Variants in THRB observed in about 807,000 individuals in gnomAD.
THRB encodes nuclear receptor subfamily 1 group A member 2.
THRB carries 12 observed loss-of-function variants against 47.8 expected under a neutral mutation model. The observed-to-expected ratio is 0.25, with a 90% CI of 0.16 to 0.41. The LOEUF (loss-of-function observed/expected upper bound fraction) is 0.41. THRB is among the 10% of genes least tolerant of loss of function. The pLI is 1.00. For missense variants in THRB, 348 were observed against 589.2 expected, an observed-to-expected ratio of 0.59 and a Z score of 4.24; for synonymous variants, 218 against 212.2, an observed-to-expected ratio of 1.03 and a Z score of -0.24.
chr3:24,418,620 T>C (rs2068961292), intron 1 of THRB, among the ~76,000 whole-genome samples: 1 of 151,922 alleles, frequency 6.6e-6, no homozygotes, highest in South Asian at 2.1e-4. Context: ...CTAAGGACAT[T>C]TGTGAAAATG....
At chr3:24,133,631 A>G (rs559105087) in intron 8 of THRB, among the ~76,000 whole-genome samples, 169 bp from the exon 9 acceptor site, 1 of 152,272 alleles carries the variant, frequency 6.6e-6, no homozygotes, top group African/African-American at 2.4e-5. Flanking sequence ...GAGTAAAGAT[A>G]TATGTTTTGG....
intron 8 of THRB, among the ~76,000 whole-genome samples, chr3:24,141,463 C>T (rs143706148): frequency 3.5e-4 from 54 of 152,360 alleles, no homozygotes; most frequent in African/African-American, 1.3e-3. Context: ...TTCACAAACT[C>T]TTCATCCCAT....
intron 2 of THRB, among the ~76,000 whole-genome samples, chr3:24,331,753 C>T (rs1192766936): frequency 6.6e-6 from 1 of 152,054 alleles, no homozygotes; most frequent in African/African-American, 2.4e-5. Flanking sequence ...TAAACACATT[C>T]TCCTTGGTCA....
Position 24,390,793 on chromosome 3 carries a change from A to ATATAT in THRB, c.-260-53423_-260-53422insATATA, listed in dbSNP as rs1275999988. 9.5e-5 allele frequency among the ~76,000 whole-genome samples: 6 copies of ATATAT among 63,058 alleles called. No individual in the cohort carries two copies. The South Asian group carries it at 2.0e-3, about 21-fold the overall frequency. The allele number at this position is 63,058 out of a possible 152,430, so 41.4% of individuals were successfully genotyped here. On this transcript the variant is annotated intron_variant, in intron 1 of 10. Transcript: ENST00000646209. Reference sequence around the variant, plus strand: ...CCCAATCTTTACTTTGTAAAAAAAAAAAAAATATATATATATATATAATAT... The same window carrying ATATAT: ...CCCAATCTTTACTTTGTAAAAAAAAATATATAAAAATATATATATATATATAATAT...
intron 1 of THRB, among the ~76,000 whole-genome samples, chr3:24,459,682 T>C (rs759616110): frequency 6.6e-6 from 1 of 152,324 alleles, no homozygotes; most frequent in Admixed American, 6.5e-5. Context: ...GGTATCTCAT[T>C]GGGGTTTTGA....
intron 1 of THRB, among the ~76,000 whole-genome samples, chr3:24,410,134 CA>C (rs1446743339): frequency 1.3e-5 from 2 of 151,704 alleles, no homozygotes; most frequent in Non-Finnish European, 2.9e-5. Flanking sequence ...CTTGATAAGC[CA>C]GAAGAAAAAT....
At chr3:24,176,065 ATC>A (rs2041109335) in intron 5 of THRB, among the ~76,000 whole-genome samples, 1 of 152,154 alleles carries the variant, frequency 6.6e-6, no homozygotes, top group South Asian at 2.1e-4. Context: ...TCAATGATTT[ATC>A]TGTTTTTCCA....
intron 1 of THRB, among the ~76,000 whole-genome samples, chr3:24,395,194 T>G (rs369471542): frequency 7.9e-5 from 12 of 152,186 alleles, no homozygotes; most frequent in East Asian, 7.7e-4. Context: ...GAGAAAAATT[T>G]CATGACCTTG....
At chr3:24,155,652 T>C (rs141110676) in intron 5 of THRB, among the ~76,000 whole-genome samples, 3 of 152,368 alleles carry the variant, frequency 2.0e-5, no homozygotes, top group Non-Finnish European at 4.4e-5. Context: ...TTTTAGTGTC[T>C]CCATCATTTT....
chr3:24,284,103 A>G (rs992881597), intron 3 of THRB, among the ~76,000 whole-genome samples: 2 of 146,032 alleles, frequency 1.4e-5, no homozygotes, highest in African/African-American at 2.5e-5. Context: ...ATGGAACCAA[A>G]AAAGAGCCCG....
chr3:24,279,576 T>TC (rs66601363), intron 3 of THRB, among the ~76,000 whole-genome samples: 2 of 149,894 alleles, frequency 1.3e-5, no homozygotes, highest in South Asian at 2.1e-4. Context: ...TTTTTTTTTT[T>TC]AGTAGAGACG....
chr3:24,218,827 T>A (rs1158786608), intron 4 of THRB, among the ~76,000 whole-genome samples: 3 of 152,170 alleles, frequency 2.0e-5, no homozygotes, highest in South Asian at 4.1e-4. Flanking sequence ...TGGGGACTGC[T>A]CACCAGAGTG....
intron 2 of THRB, among the ~76,000 whole-genome samples, chr3:24,331,041 T>A (rs2061892455): frequency 6.6e-6 from 1 of 152,144 alleles, no homozygotes; most frequent in South Asian, 2.1e-4. Context: ...AGAGCTATGA[T>A]CTTTTTTTGG....
intron 4 of THRB, among the ~76,000 whole-genome samples, chr3:24,192,287 T>C (rs2043445582): frequency 6.6e-6 from 1 of 152,152 alleles, no homozygotes; most frequent in Admixed American, 6.5e-5. Flanking sequence ...GAGCTAAATA[T>C]AAAGTTACTG....
chr3:24,223,064 A>C (rs2047317051), intron 4 of THRB, among the ~76,000 whole-genome samples: 3 of 152,194 alleles, frequency 2.0e-5, no homozygotes, highest in Admixed American at 6.5e-5. Context: ...GGCATTCTGC[A>C]TCGTTGCTCT....
At chr3:24,278,605 C>T (rs1399322886) in intron 3 of THRB, among the ~76,000 whole-genome samples, 1 of 152,174 alleles carries the variant, frequency 6.6e-6, no homozygotes, top group Non-Finnish European at 1.5e-5. Context: ...TCACAACCCT[C>T]TATTTAAATT....
chr3:24,219,443 T>C (rs1169926619), intron 4 of THRB, among the ~76,000 whole-genome samples: 1 of 152,212 alleles, frequency 6.6e-6, no homozygotes, highest in Non-Finnish European at 1.5e-5. Flanking sequence ...TTTGTGATCA[T>C]TTGAGCTGGA....
At chr3:24,413,540 C>G (rs1052089942) in intron 1 of THRB, among the ~76,000 whole-genome samples, 1 of 151,592 alleles carries the variant, frequency 6.6e-6, no homozygotes, top group Non-Finnish European at 1.5e-5. Flanking sequence ...AAAACATTGA[C>G]CTATTAACTT....
chr3:24,211,489 G>A (rs1041870901), intron 4 of THRB, among the ~76,000 whole-genome samples: 16 of 152,146 alleles, frequency 1.1e-4, no homozygotes, highest in African/African-American at 3.9e-4. Flanking sequence ...TATTCAAAAT[G>A]TCCTGTCACC....
Sources: allele counts gnomAD v4.1 joint callset (sites outside exome capture counted in the v4.1 genomes callset), GRCh38; gene constraint gnomAD v4.1.1; transcripts MANE v1.5; gene names NCBI Gene and HGNC (gene_info 2026-07-23, HGNC 2026-07-21).